The following PRKG2 variants were observed in gnomAD, a reference collection of about 807,000 sequenced individuals.
PRKG2 encodes cGMP-dependent protein kinase 2.
A neutral mutation model predicts 97.2 loss-of-function variants in PRKG2; 33 were observed. The ratio of observed to expected loss-of-function variants is 0.34; its 90% CI spans 0.26 to 0.45. The LOEUF (loss-of-function observed/expected upper bound fraction) is 0.45, where lower values mean the gene tolerates loss of function less well. Among genes scored for constraint, PRKG2 ranks in the 20% least tolerant of loss-of-function variants. PRKG2 has a pLI of 1.00. For synonymous variants in PRKG2, 330 were observed against 321.8 expected (o/e 1.03, Z -0.27); for missense variants, 638 against 900.0 (o/e 0.71, Z 3.73).
chr4:81,093,360 A>ACAC (rs1741781646), intron 17 of PRKG2, among the ~76,000 whole-genome samples: 10 of 116,382 alleles, frequency 8.6e-5, no homozygotes, highest in South Asian at 5.8e-4. Flanking sequence ...CTCCCCCACC[A>ACAC]ACACACACAC....
upstream of PRKG2, among the ~76,000 whole-genome samples, chr4:81,216,261 G>A (rs1754269379): frequency 6.6e-6 from 1 of 152,052 alleles, no homozygotes; most frequent in Non-Finnish European, 1.5e-5. Flanking sequence ...AGAGGAGGAG[G>A]AATATAGTCC....
At chr4:81,203,690 T>C (rs1428459802) in intron 2 of PRKG2, among the ~76,000 whole-genome samples, 3 of 152,136 alleles carry the variant, frequency 2.0e-5, no homozygotes, top group Admixed American at 1.3e-4. Context: ...AATCAAACTT[T>C]CGCCCATAAA....
intron 2 of PRKG2, among the ~76,000 whole-genome samples, chr4:81,188,230 C>A (rs1462732290): frequency 6.6e-6 from 1 of 151,352 alleles, no homozygotes; most frequent in Admixed American, 6.6e-5. Context: ...ACAGACACTT[C>A]TCAAAAGAAG....
intron 6 of PRKG2, among the ~76,000 whole-genome samples, chr4:81,159,066 T>G (rs1346858749): frequency 6.6e-6 from 1 of 152,132 alleles, no homozygotes; most frequent in Non-Finnish European, 1.5e-5. Context: ...ACTTCATGTC[T>G]AAAACACCAA....
At chr4:81,150,413 T>C (rs989333163) in intron 8 of PRKG2, among the ~76,000 whole-genome samples, 8 of 152,148 alleles carry the variant, frequency 5.3e-5, no homozygotes, top group Non-Finnish European at 1.2e-4. Flanking sequence ...GTCATGGAAA[T>C]ATACAGAATA....
chr4:81,105,987 A>G, intron 15 of PRKG2, 52 bp from the exon 16 acceptor site: 1 of 1,536,890 alleles, frequency 6.5e-7, no homozygotes, highest in African/African-American at 1.4e-5. Context: ...GTCTGAGATC[A>G]CATTTGGAAT....
intron 6 of PRKG2, among the ~76,000 whole-genome samples, chr4:81,165,430 T>C (rs1749896268): frequency 6.6e-6 from 1 of 152,212 alleles, no homozygotes; most frequent in Non-Finnish European, 1.5e-5. Context: ...GTGGGACAGC[T>C]GGTCCTAGAA....
intron 11 of PRKG2, among the ~76,000 whole-genome samples, chr4:81,141,216 G>T (rs1747252388): frequency 1.3e-5 from 2 of 151,924 alleles, no homozygotes; most frequent in Non-Finnish European, 2.9e-5. Flanking sequence ...TCACTATGTT[G>T]CTCAGGCTAA....
chr4:81,112,761 C>T (rs1744111420), intron 14 of PRKG2, among the ~76,000 whole-genome samples: 1 of 152,138 alleles, frequency 6.6e-6, no homozygotes, highest in Non-Finnish European at 1.5e-5. Context: ...AAGACAAGTG[C>T]CTAATATAGA....
At chr4:81,182,305 T>A (rs1341511667) in intron 2 of PRKG2, among the ~76,000 whole-genome samples, 1 of 151,944 alleles carries the variant, frequency 6.6e-6, no homozygotes, top group Non-Finnish European at 1.5e-5. Flanking sequence ...GCAAATATAA[T>A]GGGATGCAGA....
Position 81,135,250 on chromosome 4 carries a change from T to C in PRKG2, c.1681A>G (p.Thr561Ala). 6.2e-7 allele frequency: 1 copy of C among 1,613,338 alleles called. No individual in the cohort carries two copies. The highest frequency in any genetic ancestry group is 8.5e-7 in the Non-Finnish European group (1 of 1,179,546). Reference sequence around the variant, plus strand: ...CGATGCAGGTAATCAAATGCTTCTGTCACACAAGCAACGCAGAATTTGGAG... The same window carrying C: ...CGATGCAGGTAATCAAATGCTTCTGCCACACAAGCAACGCAGAATTTGGAG... ...PTSKFCVACV[T>A]EAFDYLHRLG... The change falls in exon 14 of 19, where the codon ACA becomes GCA. Residue 561 changes from threonine (T) to alanine (A), a missense_variant. Transcript: ENST00000264399.
upstream of PRKG2, among the ~76,000 whole-genome samples, chr4:81,217,051 A>ATATATATATATATG: frequency 7.2e-6 from 1 of 138,670 alleles, no homozygotes. Context: ...ATATATATAT[A>ATATATATATATATG]TATGTGTATA....
intron 17 of PRKG2, among the ~76,000 whole-genome samples, chr4:81,097,701 T>C (rs746312083): frequency 8.5e-5 from 13 of 152,208 alleles, no homozygotes; most frequent in Middle Eastern, 3.2e-3. Flanking sequence ...GGAGCTTCTA[T>C]ATCAGCACTT....
At chr4:81,173,468 C>T (rs538089284) in intron 3 of PRKG2, among the ~76,000 whole-genome samples, 2 of 152,200 alleles carry the variant, frequency 1.3e-5, no homozygotes, top group Admixed American at 1.3e-4. Flanking sequence ...GACCTATCTT[C>T]TCTTGCTGCA....
intron 1 of PRKG2, among the ~76,000 whole-genome samples, chr4:81,214,250 C>T (rs1189395980): frequency 6.6e-6 from 1 of 151,790 alleles, no homozygotes. Context: ...GCATTTGTCC[C>T]AGCGTCACCC....
intron 6 of PRKG2, among the ~76,000 whole-genome samples, chr4:81,166,560 C>T (rs1484919995): frequency 6.6e-6 from 1 of 152,126 alleles, no homozygotes; most frequent in Non-Finnish European, 1.5e-5. Context: ...AAAGACTTGA[C>T]TCGTCTTGGA....
chr4:81,094,116 C>T (rs1741879447), intron 17 of PRKG2, among the ~76,000 whole-genome samples: 2 of 152,134 alleles, frequency 1.3e-5, no homozygotes, highest in Admixed American at 6.5e-5. Context: ...GTAACTGAAA[C>T]AAATGTTTCC....
chr4:81,115,843 T>G (rs1333330199), intron 14 of PRKG2, among the ~76,000 whole-genome samples: 3 of 152,188 alleles, frequency 2.0e-5, no homozygotes, highest in Admixed American at 1.3e-4. Flanking sequence ...TCCATAAATT[T>G]TTACGTTTCT....
At chr4:81,141,752 T>C (rs2110039637) in intron 11 of PRKG2, among the ~76,000 whole-genome samples, 1 of 152,156 alleles carries the variant, frequency 6.6e-6, no homozygotes, top group East Asian at 1.9e-4. Flanking sequence ...CTTTGTTAAT[T>C]GAATCCTTTT....
Sources: gnomAD v4.1 joint callset for allele counts (sites outside exome capture counted in the v4.1 genomes callset) on GRCh38, gnomAD v4.1.1 for gene constraint, MANE v1.5 for transcripts, NCBI Gene and HGNC (gene_info 2026-07-23, HGNC 2026-07-21) for gene names.